TUBB1: variants seen among roughly 807,000 people sequenced by gnomAD.
The protein encoded by TUBB1 is tubulin beta 1 class VI.
Under a neutral mutation model 22.6 loss-of-function variants are expected in TUBB1, and 28 were observed. The ratio of observed to expected loss-of-function variants is 1.24; its 90% CI spans 0.92 to 1.70. The LOEUF is 1.70. TUBB1 is among the 40% of genes most tolerant of loss of function. The pLI, the probability that TUBB1 is intolerant of heterozygous loss-of-function variation, is 0.00. For synonymous variants in TUBB1, 226 were observed against 238.0 expected, an observed-to-expected ratio of 0.95 and a Z score of 0.46; for missense variants, 577 against 605.5, an observed-to-expected ratio of 0.95 and a Z score of 0.49.
chr20:59,023,360 C>A, intron 2 of TUBB1, 130 bp from the exon 3 acceptor site: 1 of 802,396 alleles, frequency 1.2e-6, no homozygotes, highest in Non-Finnish European at 2.2e-6. Flanking sequence ...ACTCAAATCT[C>A]GACCTACCAA....
chr20:59,023,737 G>A lies in TUBB1; in HGVS notation c.310G>A (p.Gly104Ser). 1 of 1,614,218 alleles carries A rather than the reference G, an allele frequency of 6.2e-7. No individual in the cohort carries two copies. ...NSGAGNNWAK[G>S]HYTEGAELIE... ...TGGGGCTGGCAACAACTGGGCCAAA[G>A]GCCACTACACGGAGGGAGCCGAGCT... Residue 104 changes from glycine to serine, a missense_variant, in exon 4 of 4, where the codon GGC (glycine) becomes AGC (serine). Coordinates refer to ENST00000217133, the MANE Select transcript of TUBB1 (RefSeq NM_030773.4).
rs2091978201 is a variant in TUBB1 at position 59,023,596 on chromosome 20, C to T, written c.273C>T (p.Val91=). Reference sequence around the variant, plus strand: ...CTCTCTTTCAACCCGACAGTTTTGTCCATGGTATGTTTTTCCAGAAGGTTC... The same window carrying T: ...CTCTCTTTCAACCCGACAGTTTTGTTCATGGTATGTTTTTCCAGAAGGTTC... ...LGALFQPDSF[V]HGNSGAGNNW... is the part of the protein sequence containing the mutation. Residue 91 remains valine (V), a synonymous_variant, in exon 3 of 4, where the codon GTC becomes GTT. Transcript: ENST00000217133. 3.1e-6 allele frequency: 5 copies of T among 1,614,118 alleles called. No individual in the cohort carries two copies. Among genetic ancestry groups the T allele is most frequent in the Non-Finnish European group, 4.2e-6 (5 of 1,180,010 alleles).
rs774133524 is a variant in TUBB1 at position 59,023,964 on chromosome 20, G to C, written c.537G>C (p.Val179=). 6.8e-6 allele frequency: 11 copies of C among 1,614,082 alleles called. No individual in the cohort carries two copies. The South Asian group carries it at 8.8e-5, about 13-fold the overall frequency. Reference sequence around the variant, plus strand: ...CTTCTCCCAAGGTGTCGGACACTGTGGTGGAGCCCTACAACGCGGTTCTGT... The same window carrying C: ...CTTCTCCCAAGGTGTCGGACACTGTCGTGGAGCCCTACAACGCGGTTCTGT... The part of the protein sequence containing the change: ...VMPSPKVSDT[V]VEPYNAVLSI... The change falls in exon 4 of 4, where the codon GTG becomes GTC. Residue 179 remains valine (V), a synonymous_variant. Coordinates refer to ENST00000217133, the MANE Select transcript of TUBB1 (RefSeq NM_030773.4).
chr20:59,025,755 T>C lies in TUBB1; in HGVS notation c.*972T>C, dbSNP rs1437314549. ...ATGGCTGCAGTGTCCTTCTCAGTTATGGAGGACATCGTCTCATTAGGGAAC... is the reference window on the plus strand; with the variant it reads ...ATGGCTGCAGTGTCCTTCTCAGTTACGGAGGACATCGTCTCATTAGGGAAC... On this transcript the variant is annotated 3_prime_UTR_variant, in exon 4 of 4. Coordinates refer to ENST00000217133, the MANE Select transcript of TUBB1 (RefSeq NM_030773.4). The C allele has an allele frequency of 6.6e-6, 1 of 152,276 alleles. No homozygotes were observed. The highest frequency in any genetic ancestry group is 1.5e-5 in the Non-Finnish European group (1 of 68,046). The allele number at this position is 152,276 out of a possible 1,614,324, so 9.4% of individuals were successfully genotyped here.
At position 59,023,969 on chromosome 20, in the gene TUBB1, A is replaced by G; in HGVS notation, c.542A>G (p.Glu181Gly). 3 of 1,614,086 alleles carry G rather than the reference A, an allele frequency of 1.9e-6. No individual in the cohort carries two copies. The highest frequency in any genetic ancestry group is 1.1e-5 in the South Asian group (1 of 91,074). Residue 181 changes from glutamate to glycine, a missense_variant, in exon 4 of 4, where the codon GAG (glutamate) becomes GGG (glycine). By Grantham distance (98) the Glu-to-Gly change is moderately conservative. Coordinates refer to ENST00000217133, the MANE Select transcript of TUBB1 (RefSeq NM_030773.4). ...PSPKVSDTVV[E>G]PYNAVLSIHQ... Reference sequence around the variant, plus strand: ...CCCAAGGTGTCGGACACTGTGGTGGAGCCCTACAACGCGGTTCTGTCTATC... The same window carrying G: ...CCCAAGGTGTCGGACACTGTGGTGGGGCCCTACAACGCGGTTCTGTCTATC...
chr20:59,024,348 T>G lies in TUBB1; in HGVS notation c.921T>G (p.Arg307=), dbSNP rs1415296335. ...CCATGGCTGCCTGTGACCTCCGCCG[T>G]GGCCGCTACCTCACAGTGGCCTGCA... is the stretch of plus-strand genomic sequence containing the variant. ...RNTMAACDLR[R]GRYLTVACIF... is the part of the protein sequence containing the mutation. Residue 307 remains arginine (R), a synonymous_variant, in exon 4 of 4, where the codon CGT becomes CGG. Coordinates refer to ENST00000217133, the MANE Select transcript of TUBB1 (RefSeq NM_030773.4). The surrounding 1 kb of genome is among the most constrained non-coding windows in gnomAD (Gnocchi z 4.9). The G allele has an allele frequency of 6.2e-7, 1 of 1,614,138 alleles. No individual in the cohort carries two copies. The highest frequency in any genetic ancestry group is 1.1e-5 in the South Asian group (1 of 91,086).
At chr20:59,019,264 T>A (rs2091957253), upstream of TUBB1, 2 of 565,718 alleles carry the variant, frequency 3.5e-6, no homozygotes, top group South Asian at 3.9e-5. Context: ...GGGGCAGTAT[T>A]CTGTGTTGAG....
chr20:59,020,071 A>G (rs60060239), intron 1 of TUBB1, among the ~76,000 whole-genome samples: 2,723 of 151,642 alleles, frequency 0.018, 78 homozygotes, highest in African/African-American at 0.063. Flanking sequence ...AGAGACAGGG[A>G]TCTCACTTTG....
upstream of TUBB1, among the ~76,000 whole-genome samples, chr20:59,017,815 C>T (rs1231205301): frequency 6.6e-6 from 1 of 152,216 alleles, no homozygotes; most frequent in Non-Finnish European, 1.5e-5. Context: ...TGCTCTCTTC[C>T]TAAGTAAGCC....
At position 59,022,961 on chromosome 20, in the gene TUBB1, T is replaced by G. The variant is rs1431068471; in HGVS notation, c.166+8T>G. 1.2e-6 allele frequency: 2 copies of G among 1,611,738 alleles called. No individual in the cohort carries two copies. Among genetic ancestry groups the G allele is most frequent in the East Asian group, 2.2e-5 (1 of 44,882 alleles). On this transcript the variant is annotated splice_region_variant and intron_variant, in intron 2 of 3. Coordinates refer to ENST00000217133, the MANE Select transcript of TUBB1 (RefSeq NM_030773.4). ...ACTACAACGAAGCCTACGGTAGGAC[T>G]GGCGGGGCTCTGGGAGCAGTGGTCC... is the stretch of plus-strand genomic sequence containing the variant.
intron 1 of TUBB1, among the ~76,000 whole-genome samples, chr20:59,022,004 T>C (rs113324738): frequency 0.19 from 27,415 of 145,840 alleles, 2,589 homozygotes; most frequent in South Asian, 0.19. Flanking sequence ...TCAAAATAAA[T>C]AAATAAACAA....
intron 1 of TUBB1, among the ~76,000 whole-genome samples, chr20:59,022,402 G>T (rs564609325): frequency 6.6e-6 from 1 of 150,868 alleles, no homozygotes; most frequent in African/African-American, 2.4e-5. Context: ...TTCATGAAAA[G>T]AAATCCCCAA....
Position 59,024,174 on chromosome 20 carries a change from C to A in TUBB1, c.747C>A (p.Asp249Glu), listed in dbSNP as rs1222304666. 1 of 1,614,242 alleles carries A rather than the reference C, an allele frequency of 6.2e-7. No individual in the cohort carries two copies. The highest frequency in any genetic ancestry group is 8.5e-7 in the Non-Finnish European group (1 of 1,180,050). ...SLRFPGQLNA[D>E]LRKLAVNMVP... ...GGTTCCCGGGTCAGCTCAACGCAGA[C>A]CTGCGCAAGCTGGCGGTGAACATGG... Residue 249 changes from aspartate to glutamate, a missense_variant, in exon 4 of 4, where the codon GAC becomes GAA. By Grantham distance (45) the Asp-to-Glu change is conservative. Coordinates refer to ENST00000217133, the MANE Select transcript of TUBB1 (RefSeq NM_030773.4). The surrounding 1 kb of genome is among the most constrained non-coding windows in gnomAD (Gnocchi z 4.9).
upstream of TUBB1, chr20:59,019,318 A>G: frequency 1.6e-6 from 1 of 626,928 alleles, no homozygotes. Context: ...GGCAGAAAGC[A>G]GAGAAGGGCC....
intron 2 of TUBB1, 101 bp from the exon 3 acceptor site, chr20:59,023,385 AATAT>A (rs2091977184): frequency 1.1e-5 from 12 of 1,055,986 alleles, no homozygotes; most frequent in Non-Finnish European, 1.8e-5. Context: ...CCCTTTCTAG[AATAT>A]CCATGATTTT....
At chr20:59,019,069 C>T (rs925208160), upstream of TUBB1, among the ~76,000 whole-genome samples, 6 of 152,064 alleles carry the variant, frequency 3.9e-5, no homozygotes, top group Admixed American at 2.0e-4. Context: ...GAAAAGGGGC[C>T]GGGAAGATGG....
rs2146377913 is a variant in TUBB1, at chr20:59,024,652, G to A, written c.1225G>A (p.Gly409Arg). 1 of 1,614,156 alleles carries A rather than the reference G, an allele frequency of 6.2e-7. No homozygotes were observed. ...TSEGMDINEFGEAENNIHDLV... is the reference protein window; with the variant it reads ...TSEGMDINEFREAENNIHDLV... ...CGAAGGGATGGACATAAACGAATTTGGGGAAGCTGAAAATAACATCCATGA... is the reference window on the plus strand; with the variant it reads ...CGAAGGGATGGACATAAACGAATTTAGGGAAGCTGAAAATAACATCCATGA... The change falls in exon 4 of 4, where the codon GGG becomes AGG. Residue 409 changes from glycine to arginine, a missense_variant. Transcript: ENST00000217133. This position sits in a 1 kb window ranked among gnomAD's most constrained non-coding sequence, Gnocchi z 4.9.
chr20:59,018,195 G>T (rs929534692), upstream of TUBB1, among the ~76,000 whole-genome samples: 1 of 152,178 alleles, frequency 6.6e-6, no homozygotes, highest in African/African-American at 2.4e-5. Context: ...TCCTCCAGGC[G>T]GTGGGGAACT....
At chr20:59,021,591 T>G (rs1332878398) in intron 1 of TUBB1, among the ~76,000 whole-genome samples, 1 of 152,212 alleles carries the variant, frequency 6.6e-6, no homozygotes, top group Non-Finnish European at 1.5e-5. Flanking sequence ...TTGGCACATA[T>G]CTATATTAAT....
Sources: allele counts gnomAD v4.1 joint callset (sites outside exome capture counted in the v4.1 genomes callset), GRCh38; gene constraint gnomAD v4.1.1; non-coding constraint Gnocchi (gnomAD v3.1); transcripts MANE v1.5; gene names NCBI Gene and HGNC (gene_info 2026-07-23, HGNC 2026-07-21).